The following RNF150 variants were observed in gnomAD, a reference collection of about 807,000 sequenced individuals.
The protein encoded by RNF150 is ring finger protein 150.
A neutral mutation model predicts 39.3 loss-of-function variants in RNF150; 24 were observed. The observed-to-expected ratio is 0.61, with a 90% CI of 0.44 to 0.86. The LOEUF is 0.86. RNF150 is among the 40% of genes least tolerant of loss of function. The pLI is 0.00. For missense variants in RNF150, 502 were observed against 587.8 expected (o/e 0.85, Z 1.51); for synonymous variants, 255 against 227.3 (o/e 1.12, Z -1.10).
chr4:141,067,986 C>A (rs1737530010), intron 1 of RNF150, among the ~76,000 whole-genome samples: 1 of 151,684 alleles, frequency 6.6e-6, no homozygotes, highest in South Asian at 2.1e-4. Context: ...CACTCAGTCA[C>A]CCAGGCTGGA....
chr4:140,973,276 C>G (rs1733532694), intron 1 of RNF150, among the ~76,000 whole-genome samples: 1 of 152,040 alleles, frequency 6.6e-6, no homozygotes, highest in Admixed American at 6.6e-5. Context: ...AGTAAGTAAT[C>G]TGTGGTTTAC....
intron 1 of RNF150, among the ~76,000 whole-genome samples, chr4:141,198,124 C>T (rs1728233061): frequency 1.3e-5 from 2 of 150,146 alleles, no homozygotes. Context: ...CCTCCTGGTT[C>T]AAGTGATTCT....
At chr4:141,125,363 C>G (rs890761785) in intron 1 of RNF150, among the ~76,000 whole-genome samples, 1 of 152,246 alleles carries the variant, frequency 6.6e-6, no homozygotes, top group Non-Finnish European at 1.5e-5. Context: ...TATATTACCA[C>G]CAAAACCCTC....
chr4:141,067,774 T>C (rs1159838413), intron 1 of RNF150, among the ~76,000 whole-genome samples: 1 of 152,154 alleles, frequency 6.6e-6, no homozygotes, highest in Non-Finnish European at 1.5e-5. Context: ...AAGAGGATAA[T>C]TTCTCATAAA....
intron 1 of RNF150, among the ~76,000 whole-genome samples, chr4:141,100,799 G>A (rs1240160871): frequency 6.6e-6 from 1 of 152,146 alleles, no homozygotes; most frequent in Non-Finnish European, 1.5e-5. Context: ...AGACTATATG[G>A]TATTGCCTAT....
intron 1 of RNF150, among the ~76,000 whole-genome samples, chr4:141,142,701 G>A (rs1357886843): frequency 6.6e-6 from 1 of 151,960 alleles, no homozygotes; most frequent in Admixed American, 6.6e-5. Flanking sequence ...GGTTGACCAC[G>A]GCCTCCTGTC....
At chr4:141,150,419 T>C (rs1686741892) in intron 1 of RNF150, among the ~76,000 whole-genome samples, 2 of 152,206 alleles carry the variant, frequency 1.3e-5, no homozygotes, top group African/African-American at 4.8e-5. Flanking sequence ...CACCCACGGG[T>C]GTGAGCCATC....
intron 1 of RNF150, among the ~76,000 whole-genome samples, chr4:141,129,830 C>T (rs978507372): frequency 3.3e-5 from 5 of 152,180 alleles, no homozygotes; most frequent in African/African-American, 1.2e-4. Context: ...TCAAGATACA[C>T]AAATGCATAG....
At chr4:141,149,591 A>G (rs1358151457) in intron 1 of RNF150, among the ~76,000 whole-genome samples, 1 of 152,224 alleles carries the variant, frequency 6.6e-6, no homozygotes, top group Non-Finnish European at 1.5e-5. Context: ...GCTGAGTACT[A>G]TTCCATGGTA....
chr4:141,026,971 G>T (rs1184271269), intron 1 of RNF150, among the ~76,000 whole-genome samples: 1 of 152,212 alleles, frequency 6.6e-6, no homozygotes, highest in African/African-American at 2.4e-5. Flanking sequence ...GTGGCCACAT[G>T]AAGCTATGAG....
intron 1 of RNF150, among the ~76,000 whole-genome samples, chr4:141,000,242 A>C (rs1734618057): frequency 6.6e-6 from 1 of 152,180 alleles, no homozygotes; most frequent in African/African-American, 2.4e-5. Context: ...CTCTTCAAGG[A>C]ATCAGTGTAG....
chr4:141,154,167 G>A (rs1727345586), intron 1 of RNF150, among the ~76,000 whole-genome samples: 1 of 152,206 alleles, frequency 6.6e-6, no homozygotes, highest in Admixed American at 6.5e-5. Context: ...TGCCCACAGA[G>A]TAAACAACAG....
At chr4:141,039,015 T>C (rs1260012681) in intron 1 of RNF150, among the ~76,000 whole-genome samples, 2 of 152,112 alleles carry the variant, frequency 1.3e-5, no homozygotes, top group African/African-American at 2.4e-5. Context: ...CTGTCAGTAG[T>C]AACCAAGCAT....
At position 140,868,244 on chromosome 4, in the gene RNF150, C is replaced by T. The variant is rs1458558973; in HGVS notation, c.*17G>A. 6 of 1,422,358 alleles carry T rather than the reference C, an allele frequency of 4.2e-6. No individual in the cohort carries two copies. 88.1% of individuals were successfully genotyped at this position (1,422,358 alleles called of 1,614,324 possible). ...TCCCTTGGGTCCTACTATCTCTTTG[C>T]TTCTGGATTTGTCGTTTCAAGATTT... is the stretch of plus-strand genomic sequence containing the variant. On this transcript the variant is annotated 3_prime_UTR_variant, in exon 7 of 7. Coordinates refer to ENST00000515673, the MANE Select transcript of RNF150 (RefSeq NM_020724.2).
At chr4:140,922,240 C>T (rs1489317204) in intron 5 of RNF150, among the ~76,000 whole-genome samples, 2 of 151,342 alleles carry the variant, frequency 1.3e-5, no homozygotes, top group Admixed American at 1.3e-4. Context: ...AGCCCAAAAT[C>T]TTCTTAAGCT....
At chr4:140,910,909 C>A (rs1730571775) in intron 6 of RNF150, 2 of 594,622 alleles carry the variant, frequency 3.4e-6, no homozygotes, top group South Asian at 2.1e-5. Flanking sequence ...GATGTGTGAG[C>A]CCTGGTGTCA....
At chr4:141,201,662 C>T (rs1270132922) in intron 1 of RNF150, among the ~76,000 whole-genome samples, 1 of 152,146 alleles carries the variant, frequency 6.6e-6, no homozygotes, top group Non-Finnish European at 1.5e-5. Context: ...TCAAGGACCT[C>T]TTAAATCAGG....
At position 140,962,095 on chromosome 4, in the gene RNF150, T is replaced by C. The variant is rs544761287; in HGVS notation, c.735+5528A>G. On this transcript the variant is annotated intron_variant, in intron 2 of 6. Coordinates refer to ENST00000515673, the MANE Select transcript of RNF150 (RefSeq NM_020724.2). ...TCTCTCTCTCTACTCTCTCTCTCTC[T>C]ACACACACGCGCGCACACACACACA... Among the ~76,000 whole-genome samples, 805 of 150,998 alleles carry C rather than the reference T, an allele frequency of 5.3e-3. 8 individuals are homozygous for C. The highest frequency in any genetic ancestry group is 9.0e-3 in the Non-Finnish European group (607 of 67,512).
At chr4:140,999,751 A>G (rs888164349) in intron 1 of RNF150, among the ~76,000 whole-genome samples, 1 of 152,036 alleles carries the variant, frequency 6.6e-6, no homozygotes, top group South Asian at 2.1e-4. Context: ...CCTGGCCAAC[A>G]TGGTGAAACC....
Sources: allele counts gnomAD v4.1 joint callset (sites outside exome capture counted in the v4.1 genomes callset), GRCh38; gene constraint gnomAD v4.1.1; transcripts MANE v1.5; gene names NCBI Gene and HGNC (gene_info 2026-07-23, HGNC 2026-07-21).